ERICH3: variants seen among roughly 807,000 people sequenced by gnomAD.
ERICH3 encodes the protein glutamate rich 3.
A neutral mutation model predicts 131.1 loss-of-function variants in ERICH3; 126 were observed. The observed-to-expected ratio is 0.96, with a 90% CI of 0.83 to 1.11. ERICH3 has a LOEUF of 1.11. ERICH3 is among the 50% of genes most tolerant of loss of function. ERICH3 has a pLI of 0.00. For missense variants in ERICH3, 2,050 were observed against 1,810.7 expected, an observed-to-expected ratio of 1.13 and a Z score of -2.40; for synonymous variants, 695 against 644.6, an observed-to-expected ratio of 1.08 and a Z score of -1.18.
chr1:74,591,505 G>A (rs772923032), intron 11 of ERICH3, among the ~76,000 whole-genome samples: 16 of 152,180 alleles, frequency 1.1e-4, no homozygotes, highest in Admixed American at 4.6e-4. Flanking sequence ...AGCACCACCA[G>A]TAGTCCAGGG....
chr1:74,577,084 T>C lies in ERICH3; in HGVS notation c.2177-148A>G, dbSNP rs926870335. 7.9e-6 allele frequency: 5 copies of C among 630,798 alleles called. No homozygotes were observed. In the East Asian group the frequency reaches 8.2e-5, roughly 10 times the overall value. 39.1% of individuals were successfully genotyped at this position (630,798 alleles called of 1,614,324 possible). Reference sequence around the variant, plus strand: ...AGGCAGGCTATTGAAAGAAGACTGATCTGAAAATTCCTACCAGTATTGTAT... The same window carrying C: ...AGGCAGGCTATTGAAAGAAGACTGACCTGAAAATTCCTACCAGTATTGTAT... On this transcript the variant is annotated intron_variant, in intron 12 of 14. Transcript: ENST00000326665.
chr1:74,628,540 G>A (rs1199395180), intron 7 of ERICH3, among the ~76,000 whole-genome samples: 1 of 151,952 alleles, frequency 6.6e-6, no homozygotes, highest in Non-Finnish European at 1.5e-5. Flanking sequence ...TGTGTTAATC[G>A]AATATTTATG....
At chr1:74,666,572 G>T (rs1056126372) in intron 1 of ERICH3, among the ~76,000 whole-genome samples, 4 of 152,114 alleles carry the variant, frequency 2.6e-5, no homozygotes, top group Admixed American at 6.5e-5. Flanking sequence ...TATATTTCCT[G>T]ATATGACAAT....
At chr1:74,607,916 T>A (rs1207096941) in intron 9 of ERICH3, among the ~76,000 whole-genome samples, 2 of 151,956 alleles carry the variant, frequency 1.3e-5, no homozygotes, top group Non-Finnish European at 2.9e-5. Context: ...CTGGGTACTC[T>A]GTATCCATTA....
intron 5 of ERICH3, among the ~76,000 whole-genome samples, chr1:74,639,946 C>A (rs1646423588): frequency 6.6e-6 from 1 of 152,006 alleles, no homozygotes; most frequent in African/African-American, 2.4e-5. Context: ...AAAATGGGAC[C>A]TATTTAATTC....
At chr1:74,667,458 A>T (rs696119) in intron 1 of ERICH3, among the ~76,000 whole-genome samples, 14,899 of 152,078 alleles carry the variant, frequency 0.098, 2,469 homozygotes, top group African/African-American at 0.34. Context: ...TCTGCACACC[A>T]CTTCTCTTGG....
intron 12 of ERICH3, among the ~76,000 whole-genome samples, chr1:74,584,952 C>T (rs1013810533): frequency 2.0e-5 from 3 of 152,142 alleles, no homozygotes; most frequent in African/African-American, 7.2e-5. Flanking sequence ...TGCCTGATGA[C>T]AAAATTGCAT....
chr1:74,598,369 A>G (rs570301652), intron 11 of ERICH3, among the ~76,000 whole-genome samples: 1 of 152,022 alleles, frequency 6.6e-6, no homozygotes, highest in South Asian at 2.1e-4. Flanking sequence ...AAATAGATGA[A>G]AATTTGGGGA....
chr1:74,665,211 T>A (rs1285272752), intron 1 of ERICH3, among the ~76,000 whole-genome samples: 1 of 133,790 alleles, frequency 7.5e-6, no homozygotes, highest in East Asian at 2.0e-4. Context: ...AGACTCCGTC[T>A]CAAAAAAAAA....
At chr1:74,643,670 AT>A (rs1309453640) in intron 3 of ERICH3, among the ~76,000 whole-genome samples, 1 of 152,178 alleles carries the variant, frequency 6.6e-6, no homozygotes, top group Non-Finnish European at 1.5e-5. Flanking sequence ...GGTGCTTCAC[AT>A]ACATTATTTC....
chr1:74,570,068 A>T lies in ERICH3; in HGVS notation c.*390T>A, dbSNP rs567045326. 1 of 152,342 alleles carries T rather than the reference A, an allele frequency of 6.6e-6. No individual in the cohort carries two copies. Among genetic ancestry groups the T allele is most frequent in the Non-Finnish European group, 1.5e-5 (1 of 68,018 alleles). 9.4% of individuals were successfully genotyped at this position (152,342 alleles called of 1,614,324 possible). On this transcript the variant is annotated 3_prime_UTR_variant, in exon 15 of 15. Transcript: ENST00000326665. Reference sequence around the variant, plus strand: ...ATTGTGGAATTGACTGGGGCTCTGTATTGTAAAATAAAAAGGACTTTAAAC... The same window carrying T: ...ATTGTGGAATTGACTGGGGCTCTGTTTTGTAAAATAAAAAGGACTTTAAAC...
chr1:74,602,718 T>G (rs1570852049), intron 10 of ERICH3, among the ~76,000 whole-genome samples: 1 of 151,792 alleles, frequency 6.6e-6, no homozygotes, highest in African/African-American at 2.4e-5. Context: ...GAGTATAAAG[T>G]ACATCACTCA....
rs777975014 is a variant in ERICH3 at position 74,573,370 on chromosome 1, C to T, written c.2340G>A (p.Ala780=). 3.7e-5 allele frequency: 60 copies of T among 1,609,218 alleles called. No homozygotes were observed. The highest frequency in any genetic ancestry group is 1.7e-4 in the Middle Eastern group (1 of 6,038). Residue 780 remains alanine, a synonymous_variant, in exon 14 of 15, where the codon GCG becomes GCA. Transcript: ENST00000326665. The part of the protein sequence containing the change: ...EKKEAMEEDE[A]PQHRDADIVQ... ...CTATGTCAGCATCTCTGTGCTGGGG[C>T]GCTTCATCTTCCTCCATTGCTTCTT...
chr1:74,597,217 A>C (rs1042454881), intron 11 of ERICH3, among the ~76,000 whole-genome samples: 9 of 152,090 alleles, frequency 5.9e-5, no homozygotes, highest in African/African-American at 2.2e-4. Flanking sequence ...TCTAATGCTG[A>C]CACTCCACAT....
chr1:74,590,515 T>C (rs1647541065), intron 11 of ERICH3, among the ~76,000 whole-genome samples: 1 of 152,180 alleles, frequency 6.6e-6, no homozygotes, highest in Non-Finnish European at 1.5e-5. Flanking sequence ...CATAAGGAGC[T>C]CACAACCTAG....
rs769838633 is a variant in ERICH3 at position 74,673,542 on chromosome 1, C to T, written c.-23G>A. The T allele has an allele frequency of 2.5e-6, 4 of 1,610,386 alleles. No individual in the cohort carries two copies. The highest frequency in any genetic ancestry group is 1.7e-5 in the Admixed American group (1 of 59,684). On this transcript the variant is annotated 5_prime_UTR_variant, in exon 1 of 15. Coordinates refer to ENST00000326665, the MANE Select transcript of ERICH3 (RefSeq NM_001002912.5). ...CATTTTTGCAGGATCCCTTTTGGAC[C>T]CCGCGGCAGGTGCGGAGGGTGGGTG...
rs781023176 is a variant in ERICH3 at position 74,573,017 on chromosome 1, C to T, written c.2693G>A (p.Gly898Asp). Residue 898 changes from glycine to aspartate, a missense_variant, in exon 14 of 15, where the codon GGT becomes GAT. Coordinates refer to ENST00000326665, the MANE Select transcript of ERICH3 (RefSeq NM_001002912.5). ...TDKAASEGEQ[G>D]LEKAVLANEA... ...ATTTGCAAGCACTGCCTTCTCTAAA[C>T]CCTGTTCCCCTTCAGAAGCTGCTTT... The T allele has an allele frequency of 1.2e-6, 2 of 1,614,172 alleles. No homozygotes were observed. The highest frequency in any genetic ancestry group is 2.2e-5 in the South Asian group (2 of 91,090).
At chr1:74,614,814 A>C (rs78089149) in intron 8 of ERICH3, among the ~76,000 whole-genome samples, 2,532 of 152,320 alleles carry the variant, frequency 0.017, 84 homozygotes, top group African/African-American at 0.058. Flanking sequence ...AAAAGGTTAG[A>C]GTCTGGGAAA....
At chr1:74,640,693 C>G (rs543858484) in intron 5 of ERICH3, among the ~76,000 whole-genome samples, 1 of 152,238 alleles carries the variant, frequency 6.6e-6, no homozygotes, top group South Asian at 2.1e-4. Context: ...AGAAATGAAT[C>G]AACCTGGAAT....
Sources: allele counts gnomAD v4.1 joint callset (sites outside exome capture counted in the v4.1 genomes callset), GRCh38; gene constraint gnomAD v4.1.1; transcripts MANE v1.5; gene names NCBI Gene and HGNC (gene_info 2026-07-23, HGNC 2026-07-21).